Variants in ESRRG observed in about 807,000 individuals in gnomAD.
The protein encoded by ESRRG is estrogen-related receptor gamma.
In ESRRG, 13 loss-of-function variants were observed where a neutral mutation model predicts 44.0. That is an observed-to-expected ratio of 0.30 (90% CI 0.19 to 0.47). The LOEUF (loss-of-function observed/expected upper bound fraction) is 0.47, where lower values mean the gene tolerates loss of function less well. ESRRG is among the 20% of genes least tolerant of loss of function. The pLI is 1.00. For missense variants in ESRRG, 395 were observed against 580.6 expected (o/e 0.68, Z 3.29); for synonymous variants, 215 against 214.6 (o/e 1.00, Z -0.02).
At chr1:217,006,686 C>T (rs149391288) in intron 1 of ESRRG, among the ~76,000 whole-genome samples, 102 of 152,140 alleles carry the variant, frequency 6.7e-4, no homozygotes, top group African/African-American at 2.0e-3. Flanking sequence ...CTTATATGCA[C>T]GGCCTAAAGG....
chr1:216,804,524 G>A (rs1180409806), intron 2 of ESRRG, among the ~76,000 whole-genome samples: 1 of 152,154 alleles, frequency 6.6e-6, no homozygotes, highest in East Asian at 1.9e-4. Context: ...ATTTTAGAGA[G>A]AAAACAGCAC....
chr1:216,855,030 G>T (rs1448348749), intron 2 of ESRRG: 1 of 152,158 alleles, frequency 6.6e-6, no homozygotes, highest in African/African-American at 2.4e-5. Flanking sequence ...CCAACAGAAA[G>T]CTCCTCTCTG....
At chr1:216,588,449 T>G (rs188008149) in intron 3 of ESRRG, among the ~76,000 whole-genome samples, 4 of 152,190 alleles carry the variant, frequency 2.6e-5, no homozygotes. Flanking sequence ...TAGAAATAAA[T>G]AACTATAATT....
At chr1:216,993,646 C>T (rs1348025740) in intron 1 of ESRRG, among the ~76,000 whole-genome samples, 1 of 152,126 alleles carries the variant, frequency 6.6e-6, no homozygotes, top group African/African-American at 2.4e-5. Flanking sequence ...GACAGATATT[C>T]CCGTACCGCA....
intron 2 of ESRRG, among the ~76,000 whole-genome samples, chr1:216,780,601 CTAG>C (rs992610761): frequency 2.0e-5 from 3 of 151,972 alleles, no homozygotes; most frequent in African/African-American, 7.2e-5. Flanking sequence ...AAACAGAAAA[CTAG>C]AGTGGAGGGA....
At chr1:216,674,330 A>C (rs1049029026) in intron 2 of ESRRG, among the ~76,000 whole-genome samples, 1 of 152,196 alleles carries the variant, frequency 6.6e-6, no homozygotes, top group Non-Finnish European at 1.5e-5. Flanking sequence ...TTTTAAACTT[A>C]AGTATTCTGA....
chr1:217,013,868 C>T (rs533048167), intron 1 of ESRRG, among the ~76,000 whole-genome samples: 1 of 152,046 alleles, frequency 6.6e-6, no homozygotes, highest in Non-Finnish European at 1.5e-5. Flanking sequence ...ATTAGCACAC[C>T]AGAGTGAATG....
At chr1:216,912,193 G>A (rs1182714802) in intron 2 of ESRRG, among the ~76,000 whole-genome samples, 211 of 6,632 alleles carry the variant, frequency 0.032, 19 homozygotes, top group East Asian at 0.1. Context: ...AAGGAGAGGA[G>A]AGGAGAGGAG....
intron 2 of ESRRG, among the ~76,000 whole-genome samples, chr1:216,905,235 G>A (rs969457670): frequency 5.9e-5 from 9 of 152,020 alleles, no homozygotes; most frequent in African/African-American, 2.2e-4. Context: ...AATGCAATCG[G>A]GTCTCAGCTT....
intron 2 of ESRRG, among the ~76,000 whole-genome samples, chr1:216,915,575 AAAACAAACAAAC>A (rs113085137): frequency 6.6e-6 from 1 of 151,944 alleles, no homozygotes; most frequent in African/African-American, 2.4e-5. Flanking sequence ...CAAGATAGCT[AAAACAAACAAAC>A]AAACAAACAA....
At chr1:216,683,156 T>C (rs2077327123) in intron 1 of ESRRG, among the ~76,000 whole-genome samples, 1 of 152,098 alleles carries the variant, frequency 6.6e-6, no homozygotes, top group Admixed American at 6.6e-5. Context: ...TACACTGGCT[T>C]AGTTGGGAAA....
At chr1:216,965,224 C>T (rs1049363767) in intron 1 of ESRRG, among the ~76,000 whole-genome samples, 1 of 151,680 alleles carries the variant, frequency 6.6e-6, no homozygotes, top group Non-Finnish European at 1.5e-5. Context: ...TCCCTCAGGA[C>T]ACATCTTTCC....
intron 1 of ESRRG, among the ~76,000 whole-genome samples, chr1:217,049,545 G>T (rs772109176): frequency 1.3e-5 from 2 of 152,224 alleles, no homozygotes; most frequent in African/African-American, 4.8e-5. Flanking sequence ...TTGAGAAGGT[G>T]CTAAGGCAGT....
chr1:217,085,474 T>C (rs1224668432), intron 1 of ESRRG, among the ~76,000 whole-genome samples: 1 of 145,066 alleles, frequency 6.9e-6, no homozygotes, highest in Non-Finnish European at 1.5e-5. Flanking sequence ...CTTTTTCTTT[T>C]CTTTTCATTT....
chr1:216,974,060 C>A (rs930581246), intron 1 of ESRRG, among the ~76,000 whole-genome samples: 4 of 152,004 alleles, frequency 2.6e-5, no homozygotes. Context: ...CTTACAATTA[C>A]AATAGAAAAA....
In ESRRG at chr1:216,841,664, C is replaced by T. The variant is rs569189880; in HGVS notation, c.-14+97918G>A. On this transcript the variant is annotated intron_variant, in intron 2 of 7. Coordinates refer to the ESRRG transcript ENST00000359162. ...AGCTTATGGCAGGTTTACTTTATCACGCCAGCACCTCTTAACCTCCCCTTC... is the reference window on the plus strand; with the variant it reads ...AGCTTATGGCAGGTTTACTTTATCATGCCAGCACCTCTTAACCTCCCCTTC... 6.4e-4 allele frequency among the ~76,000 whole-genome samples: 98 copies of T among 152,186 alleles called. 1 individual carries two copies. Among genetic ancestry groups the T allele is most frequent in the African/African-American group, 2.2e-3 (93 of 41,530 alleles).
At chr1:217,136,675 G>T (rs146149505) in intron 1 of ESRRG, among the ~76,000 whole-genome samples, 1 of 152,264 alleles carries the variant, frequency 6.6e-6, no homozygotes, top group African/African-American at 2.4e-5. Flanking sequence ...CTTACTGCCC[G>T]CCCTTCCCCT....
chr1:216,614,103 T>C (rs2061060033), intron 3 of ESRRG, among the ~76,000 whole-genome samples: 1 of 152,236 alleles, frequency 6.6e-6, no homozygotes, highest in Non-Finnish European at 1.5e-5. Flanking sequence ...TATGCTTTCA[T>C]CTAGCTGACG....
intron 3 of ESRRG, among the ~76,000 whole-genome samples, chr1:216,590,588 C>T (rs2057481851): frequency 6.6e-6 from 1 of 152,236 alleles, no homozygotes; most frequent in South Asian, 2.1e-4. Flanking sequence ...TTACGAAGGA[C>T]ATTAATATGC....
Sources: allele counts gnomAD v4.1 joint callset (sites outside exome capture counted in the v4.1 genomes callset), GRCh38; gene constraint gnomAD v4.1.1; transcripts MANE v1.5; gene names NCBI Gene and HGNC (gene_info 2026-07-23, HGNC 2026-07-21).